Variants in CKLF observed in about 807,000 individuals in gnomAD.
CKLF encodes chemokine like factor.
Under a neutral mutation model 12.9 loss-of-function variants are expected in CKLF, and 16 were observed. That is an observed-to-expected ratio of 1.24 (90% CI 0.84 to 1.88). The LOEUF is 1.88. Among genes scored for constraint, CKLF ranks in the 40% most tolerant of loss-of-function variants. The pLI is 0.00. For synonymous variants in CKLF, 61 were observed against 69.0 expected (o/e 0.88, Z 0.57); for missense variants, 172 against 188.5 (o/e 0.91, Z 0.51).
intron 2 of CKLF, among the ~76,000 whole-genome samples, chr16:66,561,097 A>C (rs905856650): frequency 6.6e-6 from 1 of 152,154 alleles, no homozygotes; most frequent in Non-Finnish European, 1.5e-5. Context: ...GAGATGGCTG[A>C]CTGTTCCAAT....
chr16:66,554,965 G>A (rs764296412), intron 1 of CKLF, among the ~76,000 whole-genome samples: 2 of 152,122 alleles, frequency 1.3e-5, no homozygotes, highest in African/African-American at 2.4e-5. Context: ...GGCCAGGCCC[G>A]GTGGCTCACC....
At chr16:66,562,527 A>G (rs781538365) in intron 2 of CKLF, among the ~76,000 whole-genome samples, 1 of 152,122 alleles carries the variant, frequency 6.6e-6, no homozygotes, top group East Asian at 1.9e-4. Flanking sequence ...CTTCAACTAC[A>G]TTTATGTTAA....
Position 66,563,183 on chromosome 16 carries a change from T to C in CKLF, c.299T>C (p.Ile100Thr). The change falls in exon 3 of 4, where the codon ATA becomes ACA. Residue 100 changes from isoleucine (I) to threonine (T), a missense_variant. Transcript: ENST00000264001. Reference sequence around the variant, plus strand: ...CTCATCGTATCTGTGTTGGCACTGATACCAGAAACCACAACATTGACAGTT... The same window carrying C: ...CTCATCGTATCTGTGTTGGCACTGACACCAGAAACCACAACATTGACAGTT... ...FMLIVSVLAL[I>T]PETTTLTVGG... The C allele has an allele frequency of 1.2e-6, 2 of 1,614,184 alleles. No individual in the cohort carries two copies. The highest frequency in any genetic ancestry group is 1.7e-6 in the Non-Finnish European group (2 of 1,180,032).
chr16:66,563,294 T>A, intron 3 of CKLF, 77 bp downstream of exon 3: 3 of 1,530,210 alleles, frequency 2.0e-6, no homozygotes, highest in Non-Finnish European at 2.7e-6. Context: ...GATGTAAGAA[T>A]AGAAAGCTAT....
chr16:66,561,686 G>T (rs1376404498), intron 2 of CKLF, among the ~76,000 whole-genome samples: 2 of 152,152 alleles, frequency 1.3e-5, no homozygotes, highest in Non-Finnish European at 2.9e-5. Context: ...CTACAAATGA[G>T]AACTTTTTTC....
intron 2 of CKLF, 46 bp downstream of exon 2, chr16:66,558,394 G>C: frequency 6.3e-7 from 1 of 1,578,886 alleles, no homozygotes; most frequent in Non-Finnish European, 8.6e-7. Flanking sequence ...TCCTACCATA[G>C]TGAGATATTC....
At chr16:66,560,888 C>G (rs151077288) in intron 2 of CKLF, among the ~76,000 whole-genome samples, 1 of 151,890 alleles carries the variant, frequency 6.6e-6, no homozygotes, top group African/African-American at 2.4e-5. Flanking sequence ...GAGTTTGCCT[C>G]CAGTGGGCAA....
chr16:66,561,043 G>A (rs1222962073), intron 2 of CKLF, among the ~76,000 whole-genome samples: 2 of 152,166 alleles, frequency 1.3e-5, no homozygotes, highest in Non-Finnish European at 2.9e-5. Flanking sequence ...CCAGAGCACA[G>A]GTGGAGAAGT....
At chr16:66,557,914 A>C (rs901679629) in intron 1 of CKLF, among the ~76,000 whole-genome samples, 2 of 152,164 alleles carry the variant, frequency 1.3e-5, no homozygotes, top group African/African-American at 4.8e-5. Context: ...AGTCAATATC[A>C]TACACTTTAG....
chr16:66,556,568 A>G (rs889446393), intron 1 of CKLF, among the ~76,000 whole-genome samples: 1 of 152,234 alleles, frequency 6.6e-6, no homozygotes, highest in South Asian at 2.1e-4. Context: ...CACCATGATG[A>G]AAAAGGTTAC....
At chr16:66,555,100 G>C (rs1278492603) in intron 1 of CKLF, among the ~76,000 whole-genome samples, 1 of 152,106 alleles carries the variant, frequency 6.6e-6, no homozygotes, top group East Asian at 1.9e-4. Flanking sequence ...AGCCAGGCAT[G>C]GTGGCGTATG....
chr16:66,562,610 A>T (rs2011809898), intron 2 of CKLF, among the ~76,000 whole-genome samples: 1 of 152,252 alleles, frequency 6.6e-6, no homozygotes, highest in Non-Finnish European at 1.5e-5. Flanking sequence ...ACTAGGTGTC[A>T]TTATAGACCA....
At chr16:66,566,195 C>T (rs539312295), downstream of CKLF, 382 of 1,524,554 alleles carry the variant, frequency 2.5e-4, no homozygotes, top group Middle Eastern at 4.7e-4. The surrounding 1 kb of genome is among the most constrained non-coding windows in gnomAD (Gnocchi z 4.9). Flanking sequence ...TCGGGTTTTC[C>T]GGCACCCGGG....
chr16:66,562,012 G>A (rs1383146181), intron 2 of CKLF, among the ~76,000 whole-genome samples: 2 of 152,062 alleles, frequency 1.3e-5, no homozygotes, highest in Non-Finnish European at 2.9e-5. Flanking sequence ...GTCATCCATT[G>A]CATAGAGATG....
intron 1 of CKLF, among the ~76,000 whole-genome samples, chr16:66,557,270 C>G (rs111468662): frequency 2.4e-4 from 37 of 152,224 alleles, no homozygotes; most frequent in African/African-American, 8.7e-4. Flanking sequence ...TGGGTTCAAG[C>G]GATTCTCCTG....
intron 1 of CKLF, among the ~76,000 whole-genome samples, chr16:66,554,079 GAGAA>G (rs1354115866): frequency 6.6e-6 from 1 of 152,238 alleles, no homozygotes; most frequent in Non-Finnish European, 1.5e-5. Flanking sequence ...GGAACCATGT[GAGAA>G]TGGTCCTGTG....
chr16:66,563,221 A>C lies in CKLF; in HGVS notation c.333+4A>C, dbSNP rs767090131. ...AACATTGACAGTTGGTGGAGGGGTA[A>C]GTGGAAGTCTTTCTGCTTGCTTTCT... On this transcript the variant is annotated splice_donor_region_variant and intron_variant, in intron 3 of 3. Transcript: ENST00000264001. 1.9e-6 allele frequency: 3 copies of C among 1,611,850 alleles called. No individual in the cohort carries two copies. The highest frequency in any genetic ancestry group is 2.5e-6 in the Non-Finnish European group (3 of 1,179,532).
intron 2 of CKLF, among the ~76,000 whole-genome samples, chr16:66,562,063 G>T (rs2144549096): frequency 6.6e-6 from 1 of 151,752 alleles, no homozygotes; most frequent in East Asian, 1.9e-4. Flanking sequence ...TCTCTTAAGT[G>T]TGTGCTATTT....
intron 1 of CKLF, among the ~76,000 whole-genome samples, chr16:66,557,631 G>A (rs2011498848): frequency 6.6e-6 from 1 of 152,220 alleles, no homozygotes; most frequent in African/African-American, 2.4e-5. Context: ...CATAACAACA[G>A]TAGAAAACAG....
Sources: gnomAD v4.1 joint callset for allele counts (sites outside exome capture counted in the v4.1 genomes callset) on GRCh38, gnomAD v4.1.1 for gene constraint, Gnocchi (gnomAD v3.1) non-coding constraint, MANE v1.5 for transcripts, NCBI Gene and HGNC (gene_info 2026-07-23, HGNC 2026-07-21) for gene names.